PCNX3: variants seen among roughly 807,000 people sequenced by gnomAD.
PCNX3 encodes the protein pecanex 3, also known as pecanex-like protein 3.
PCNX3 carries 58 observed loss-of-function variants against 207.2 expected under a neutral mutation model. The observed-to-expected ratio is 0.28, with a 90% CI of 0.23 to 0.35. The LOEUF (loss-of-function observed/expected upper bound fraction) is 0.35, where lower values mean the gene tolerates loss of function less well. Among genes scored for constraint, PCNX3 ranks in the 10% least tolerant of loss-of-function variants. The pLI, the probability that PCNX3 is intolerant of heterozygous loss-of-function variation, is 1.00. For synonymous variants in PCNX3, 1,337 were observed against 1,183.5 expected (o/e 1.13, Z -2.66); for missense variants, 2,410 against 2,774.4 (o/e 0.87, Z 2.95).
Position 65,618,819 on chromosome 11 carries a change from A to ATGGGACC in PCNX3, c.1458_1464dup (p.Gln489TrpfsTer7). The ATGGGACC allele has an allele frequency of 6.2e-7, 1 of 1,611,610 alleles. No individual in the cohort carries two copies. The highest frequency in any genetic ancestry group is 8.5e-7 in the Non-Finnish European group (1 of 1,179,422). On this transcript the variant is annotated frameshift_variant, in exon 6 of 35. Transcript: ENST00000355703. LOFTEE classifies it high-confidence loss of function. ...ACTGCTGTGCCCCCCAAGCGGCCATATGGGACCCAGCGGACGCCTAGTACC... is the reference window on the plus strand; with the variant it reads ...ACTGCTGTGCCCCCCAAGCGGCCATATGGGACCTGGGACCCAGCGGACGCCTAGTACC...
At position 65,625,369 on chromosome 11, in the gene PCNX3, A is replaced by G. The variant is rs1855329917; in HGVS notation, c.3030-36A>G. The stretch of plus-strand genomic sequence containing the variant: ...CCCGTGACTGGGGCCGGGGGGAAGG[A>G]GGGGCGGCCTCCTCCTGACTCTTCC... On this transcript the variant is annotated intron_variant, in intron 17 of 34. Transcript: ENST00000355703. The surrounding 1 kb of genome is among the most constrained non-coding windows in gnomAD (Gnocchi z 5.6). The G allele has an allele frequency of 2.5e-6, 4 of 1,595,168 alleles. No homozygotes were observed. Among genetic ancestry groups the G allele is most frequent in the Middle Eastern group, 3.3e-4 (2 of 6,038 alleles).
Position 65,616,215 on chromosome 11 carries a change from C to G in PCNX3, c.-97C>G. On this transcript the variant is annotated 5_prime_UTR_variant, in exon 1 of 35. Transcript: ENST00000355703. ...GGAGGCCATGGCGTGAGCGTGAGGC[C>G]GGGCCCCGGGGCCCTCAGGCGCCAG... 2 of 1,038,084 alleles carry G rather than the reference C, an allele frequency of 1.9e-6. No homozygotes were observed. Among genetic ancestry groups the G allele is most frequent in the Non-Finnish European group, 2.6e-6 (2 of 769,348 alleles). 64.3% of individuals were successfully genotyped at this position (1,038,084 alleles called of 1,614,324 possible). A position where few individuals can be genotyped will look rare whatever the true frequency, so the allele number is the denominator to read the frequency against.
chr11:65,630,240 T>G (rs1267988489), intron 26 of PCNX3, 111 bp from the exon 27 acceptor site: 55 of 1,430,778 alleles, frequency 3.8e-5, no homozygotes, highest in Non-Finnish European at 5.1e-5. Flanking sequence ...TCCCCTGGCG[T>G]CCAAGGGGGT....
chr11:65,625,943 G>A lies in PCNX3; in HGVS notation c.3268G>A (p.Val1090Met), dbSNP rs181899989. Residue 1090 changes from valine to methionine, a missense_variant, in exon 20 of 35, where the codon GTG becomes ATG. Physicochemically the swap from Val to Met is conservative, Grantham distance 21. Transcript: ENST00000355703. The surrounding 1 kb of genome is among the most constrained non-coding windows in gnomAD (Gnocchi z 5.6). Reference protein sequence around the residue: ...GFVLYALAGAVGFFTHYLLPQ... With the variant: ...GFVLYALAGAMGFFTHYLLPQ... Reference sequence around the variant, plus strand: ...CGTGTTGTACGCACTGGCTGGGGCCGTGGGCTTCTTCACACATTACCTGCT... The same window carrying A: ...CGTGTTGTACGCACTGGCTGGGGCCATGGGCTTCTTCACACATTACCTGCT... The A allele has an allele frequency of 1.2e-4, 194 of 1,613,836 alleles. No individual in the cohort carries two copies. The highest frequency in any genetic ancestry group is 9.1e-4 in the African/African-American group (68 of 75,056).
Position 65,625,151 on chromosome 11 carries a change from A to C in PCNX3, c.2920-20A>C. ...CATGCTTACCTCACCTCCCCTGACC[A>C]GCATGGATTCTCTCCGCAGACTCCG... On this transcript the variant is annotated intron_variant, in intron 16 of 34. Transcript: ENST00000355703. This position sits in a 1 kb window ranked among gnomAD's most constrained non-coding sequence, Gnocchi z 5.6. 6.3e-7 allele frequency: 1 copy of C among 1,587,862 alleles called. No homozygotes were observed. Among genetic ancestry groups the C allele is most frequent in the African/African-American group, 1.3e-5 (1 of 74,408 alleles).
Position 65,629,476 on chromosome 11 carries a change from T to A in PCNX3, c.4001-44T>A, listed in dbSNP as rs552317229. Reference sequence around the variant, plus strand: ...GGCCTCCCTGGGGAGGGAGCCTCGCTAACTTGTCACTTTGTCCATTTGCCC... The same window carrying A: ...GGCCTCCCTGGGGAGGGAGCCTCGCAAACTTGTCACTTTGTCCATTTGCCC... On this transcript the variant is annotated intron_variant, in intron 25 of 34. Transcript: ENST00000355703. 3.1e-6 allele frequency: 5 copies of A among 1,611,870 alleles called. No homozygotes were observed. In the South Asian group the frequency reaches 4.4e-5, roughly 14 times the overall value.
Position 65,619,776 on chromosome 11 carries a change from G to A in PCNX3, c.1852G>A (p.Gly618Ser). 1 of 1,578,718 alleles carries A rather than the reference G, an allele frequency of 6.3e-7. No individual in the cohort carries two copies. Among genetic ancestry groups the A allele is most frequent in the Non-Finnish European group, 8.6e-7 (1 of 1,168,992 alleles). ...PPSSLQEAQR[G>S]RAASHSRALT... ...CAGCAGCCTGCAGGAAGCTCAGCGG[G>A]GCCGGGCTGCCTCCCACTCCCGGGC... The change falls in exon 8 of 35, where the codon GGC (glycine) becomes AGC (serine). Residue 618 changes from glycine to serine, a missense_variant. Gly to Ser is a moderately conservative substitution (Grantham distance 56). Around this residue, in one of 8 missense-constraint regions of PCNX3, gnomAD observed 1,104 missense variants for 970.3 expected, o/e 1.14. Transcript: ENST00000355703.
Position 65,616,545 on chromosome 11 carries a change from C to G in PCNX3, c.153+81C>G, listed in dbSNP as rs1473011602. 6.2e-6 allele frequency: 9 copies of G among 1,451,216 alleles called. No individual in the cohort carries two copies. In the Admixed American group the frequency reaches 1.9e-4, roughly 31 times the overall value. The allele number at this position is 1,451,216 out of a possible 1,614,324, so 89.9% of individuals were successfully genotyped here. A position where few individuals can be genotyped will look rare whatever the true frequency, so the allele number is the denominator to read the frequency against. ...GGGATTCAGGGCAGTGCCCTGGGCT[C>G]TGGGACGTGGAGAGAGAGGAATCAC... On this transcript the variant is annotated intron_variant, in intron 1 of 34. Transcript: ENST00000355703.
chr11:65,616,240 G>A lies in PCNX3; in HGVS notation c.-72G>A. The A allele has an allele frequency of 7.8e-7, 1 of 1,279,180 alleles. No homozygotes were observed. Among genetic ancestry groups the A allele is most frequent in the Non-Finnish European group, 1.0e-6 (1 of 979,990 alleles). The allele number at this position is 1,279,180 out of a possible 1,614,324, so 79.2% of individuals were successfully genotyped here. A position where few individuals can be genotyped will look rare whatever the true frequency, so the allele number is the denominator to read the frequency against. ...CGGGCCCCGGGGCCCTCAGGCGCCAGACGGGGCATGGGCCGGGGGCCGCCC... is the reference window on the plus strand; with the variant it reads ...CGGGCCCCGGGGCCCTCAGGCGCCAAACGGGGCATGGGCCGGGGGCCGCCC... On this transcript the variant is annotated 5_prime_UTR_variant, in exon 1 of 35. Coordinates refer to ENST00000355703, the MANE Select transcript of PCNX3 (RefSeq NM_032223.4).
chr11:65,623,862 G>A lies in PCNX3; in HGVS notation c.2512-67G>A, dbSNP rs139215024. 13 of 1,606,824 alleles carry A rather than the reference G, an allele frequency of 8.1e-6. No homozygotes were observed. The African/African-American group carries it at 1.6e-4, about 20-fold the overall frequency. On this transcript the variant is annotated intron_variant, in intron 12 of 34. Coordinates refer to ENST00000355703, the MANE Select transcript of PCNX3 (RefSeq NM_032223.4). ...AACTGCCTAGTGGTGGAGCTGAACA[G>A]GTCTGGGGCCTCTGACCATCCCGTG...
chr11:65,622,214 G>C, intron 10 of PCNX3, 31 bp from the exon 11 acceptor site: 2 of 1,590,570 alleles, frequency 1.3e-6, no homozygotes, highest in Non-Finnish European at 1.7e-6. Context: ...AGTTTGACCT[G>C]CTGGACCAGG....
chr11:65,617,385 C>T (rs1854797633), intron 3 of PCNX3, 36 bp downstream of exon 3: 1 of 1,613,146 alleles, frequency 6.2e-7, no homozygotes, highest in Non-Finnish European at 8.5e-7. Flanking sequence ...TCCTCCTGTC[C>T]CTCTGCGAGC....
In PCNX3 at chr11:65,630,692, T is replaced by C. The variant is rs759367375; in HGVS notation, c.4470+88T>C. On this transcript the variant is annotated intron_variant, in intron 27 of 34. Transcript: ENST00000355703. Reference sequence around the variant, plus strand: ...GCCCCAGTACCCCCTTTCTGGGTTGTTGGGAGCCTGTTTTGTCCAAGGGAA... The same window carrying C: ...GCCCCAGTACCCCCTTTCTGGGTTGCTGGGAGCCTGTTTTGTCCAAGGGAA... 6.0e-6 allele frequency: 9 copies of C among 1,504,082 alleles called. No homozygotes were observed. The East Asian group carries it at 2.1e-4, about 36-fold the overall frequency. The allele number at this position is 1,504,082 out of a possible 1,614,324, so 93.2% of individuals were successfully genotyped here. A position where few individuals can be genotyped will look rare whatever the true frequency, so the allele number is the denominator to read the frequency against.
chr11:65,627,882 C>G (rs1350228345), intron 22 of PCNX3, among the ~76,000 whole-genome samples: 1 of 152,190 alleles, frequency 6.6e-6, no homozygotes, highest in East Asian at 1.9e-4. Context: ...GTAATCAGGA[C>G]CTGGCCTTAT....
At position 65,620,347 on chromosome 11, in the gene PCNX3, C is replaced by T; in HGVS notation, c.2017C>T (p.Arg673Cys). 8 of 1,613,160 alleles carry T rather than the reference C, an allele frequency of 5.0e-6. No individual in the cohort carries two copies. The highest frequency in any genetic ancestry group is 6.8e-6 in the Non-Finnish European group (8 of 1,179,562). The change falls in exon 9 of 35, where the codon CGT (arginine) becomes TGT (cysteine). Residue 673 changes from arginine (R) to cysteine (C), a missense_variant. This residue lies in a region of PCNX3 where 1,104 missense variants were observed against 970.3 expected (regional missense o/e 1.14). Coordinates refer to ENST00000355703, the MANE Select transcript of PCNX3 (RefSeq NM_032223.4). ...CCCATACCCTGCCCCAGGTGTGCGGCGTTCCTACACCTTTGGCCTGGCTGG... is the reference window on the plus strand; with the variant it reads ...CCCATACCCTGCCCCAGGTGTGCGGTGTTCCTACACCTTTGGCCTGGCTGG... ...HYFYDESGVR[R>C]SYTFGLAGGG...
intron 23 of PCNX3, 50 bp from the exon 24 acceptor site, chr11:65,628,769 T>TGCCGGGGGGAGGGGGGGGGGGGG: frequency 3.3e-6 from 1 of 299,592 alleles, no homozygotes; most frequent in Admixed American, 4.9e-5. Context: ...TGGGGGGTGG[T>TGCCGGGGGGAGGGGGGGGGGGGG]GGGGGGCTGG....
chr11:65,630,180 G>C (rs1855562890), intron 26 of PCNX3, among the ~76,000 whole-genome samples, 171 bp from the exon 27 acceptor site: 1 of 152,224 alleles, frequency 6.6e-6, no homozygotes, highest in African/African-American at 2.4e-5. Flanking sequence ...GGAGTTGGGA[G>C]GAGAAAGGCA....
In PCNX3 at chr11:65,619,951, C is replaced by T. The variant is rs139785423; in HGVS notation, c.2008+19C>T. 7.5e-4 allele frequency: 1,190 copies of T among 1,585,144 alleles called. 2 individuals carry two copies. Among genetic ancestry groups the T allele is most frequent in the Middle Eastern group, 2.7e-3 (16 of 5,976 alleles). ...GAGAGCGGTGAGCCTTTCCCAAGCC[C>T]GGTGGCCCAGTGCCTCCCCGCCTTC... On this transcript the variant is annotated intron_variant, in intron 8 of 34. Transcript: ENST00000355703.
Position 65,616,884 on chromosome 11 carries a change from G to A in PCNX3, c.214G>A (p.Ala72Thr). Residue 72 changes from alanine (A) to threonine (T), a missense_variant, in exon 2 of 35, where the codon GCT becomes ACT. By Grantham distance (58) the Ala-to-Thr change is moderately conservative. Around this residue, in one of 8 missense-constraint regions of PCNX3, gnomAD observed 1,104 missense variants for 970.3 expected, o/e 1.14. Coordinates refer to ENST00000355703, the MANE Select transcript of PCNX3 (RefSeq NM_032223.4). ...VYCLVVAVIF[A>T]TIKTVNYRLH... Reference sequence around the variant, plus strand: ...CTGCCTCGTGGTGGCTGTCATCTTTGCTACTATCAAGACTGTCAATTATCG... The same window carrying A: ...CTGCCTCGTGGTGGCTGTCATCTTTACTACTATCAAGACTGTCAATTATCG... The A allele has an allele frequency of 6.2e-7, 1 of 1,613,684 alleles. No individual in the cohort carries two copies.
Sources: gnomAD v4.1 joint callset for allele counts (sites outside exome capture counted in the v4.1 genomes callset) on GRCh38, gnomAD v4.1.1 for gene constraint, gnomAD v4.1.1 regional missense constraint, Gnocchi (gnomAD v3.1) non-coding constraint, MANE v1.5 for transcripts, NCBI Gene and HGNC (gene_info 2026-07-23, HGNC 2026-07-21) for gene names.